Variants in LSM5 observed in about 807,000 individuals in gnomAD.
The protein encoded by LSM5 is LSM5 homolog, U6 small nuclear RNA and mRNA degradation associated.
In LSM5, 8 loss-of-function variants were observed where a neutral mutation model predicts 13.8. The ratio of observed to expected loss-of-function variants is 0.58; its 90% CI spans 0.34 to 1.04. LSM5 has a LOEUF of 1.04. Among genes scored for constraint, LSM5 ranks in the 50% least tolerant of loss-of-function variants. The probability of loss-of-function intolerance (pLI) is 0.03; values close to 1 mark genes in which losing one functional copy is unlikely to be tolerated. For synonymous variants in LSM5, 35 were observed against 37.0 expected (o/e 0.95, Z 0.20); for missense variants, 80 against 108.1 (o/e 0.74, Z 1.15).
At chr7:32,487,581 G>T in intron 4 of LSM5, 104 bp downstream of exon 4, 1 of 743,186 alleles carries the variant, frequency 1.3e-6, no homozygotes, top group Non-Finnish European at 2.4e-6. Flanking sequence ...GCACCACTGG[G>T]CCATGATCAT....
At chr7:32,488,047 G>A in intron 3 of LSM5, 1 of 211,662 alleles carries the variant, frequency 4.7e-6, no homozygotes, top group Non-Finnish European at 8.0e-6. Context: ...ATGTTTTTTG[G>A]GTTTTTTTTT....
In LSM5 at chr7:32,487,104, G is replaced by T; in HGVS notation, c.*157C>A. 1.5e-6 allele frequency: 1 copy of T among 665,226 alleles called. No homozygotes were observed. The highest frequency in any genetic ancestry group is 2.8e-5 in the East Asian group (1 of 36,000). The allele number at this position is 665,226 out of a possible 1,614,324, so 41.2% of individuals were successfully genotyped here. On this transcript the variant is annotated 3_prime_UTR_variant, in exon 5 of 5. Coordinates refer to ENST00000450169, the MANE Select transcript of LSM5 (RefSeq NM_012322.3). ...TTTCTTCTTTTTCCAGGATAATCAT[G>T]ATTAACTTACAAAAATGGGTACACA...
At chr7:32,491,517 G>T (rs10272283), upstream of LSM5, among the ~76,000 whole-genome samples, 31,033 of 152,034 alleles carry the variant, frequency 0.2, 3,380 homozygotes, top group Non-Finnish European at 0.25. Context: ...GTTCCTCAAG[G>T]CTGAGAATTA....
chr7:32,493,114 G>A (rs1786628359), upstream of LSM5, among the ~76,000 whole-genome samples: 1 of 152,056 alleles, frequency 6.6e-6, no homozygotes, highest in Non-Finnish European at 1.5e-5. Flanking sequence ...GCCAGCCTGG[G>A]CAACATAGCA....
chr7:32,488,977 G>A (rs184012562), intron 2 of LSM5, among the ~76,000 whole-genome samples: 1 of 152,234 alleles, frequency 6.6e-6, no homozygotes, highest in Non-Finnish European at 1.5e-5. Context: ...CACCCACCTC[G>A]CCCTCCCAAA....
chr7:32,491,449 C>T (rs1023803839), upstream of LSM5, among the ~76,000 whole-genome samples: 1 of 143,724 alleles, frequency 7.0e-6, no homozygotes, highest in African/African-American at 2.6e-5. Context: ...CCACAAAGAA[C>T]GTCATTCATT....
Position 32,490,358 on chromosome 7 carries a change from G to A in LSM5, c.8C>T (p.Ala3Val), listed in dbSNP as rs142004890. 5.3e-5 allele frequency: 85 copies of A among 1,613,708 alleles called. No individual in the cohort carries two copies. The African/African-American group carries it at 1.0e-3, about 19-fold the overall frequency. ...CTGCGACGGGTTGGTAGTAGCGTTA[G>A]CCGCCATGGCTACGCCGGAAGTGGC... MA[A>V]NATTNPSQLL... Residue 3 changes from alanine (A) to valine (V), a missense_variant, in exon 1 of 5, where the codon GCT becomes GTT. Transcript: ENST00000450169.
intron 1 of LSM5, among the ~76,000 whole-genome samples, chr7:32,489,786 G>T (rs922512169): frequency 7.2e-5 from 11 of 152,168 alleles, no homozygotes; most frequent in African/African-American, 2.7e-4. Flanking sequence ...TGGCTTGTGT[G>T]CTATTTGAAG....
In LSM5 at chr7:32,485,964, A is replaced by G. The variant is rs1415080373; in HGVS notation, c.*1297T>C. ...CTCCAAAAAAAAAAAAAAAAAAAAA[A>G]AAAGGAAAAGAAAACTTTAGACATG... On this transcript the variant is annotated 3_prime_UTR_variant, in exon 5 of 5. Transcript: ENST00000450169. The G allele has an allele frequency of 6.6e-6, 1 of 151,858 alleles. No homozygotes were observed. Among genetic ancestry groups the G allele is most frequent in the African/African-American group, 2.4e-5 (1 of 41,374 alleles). 9.4% of individuals were successfully genotyped at this position (151,858 alleles called of 1,614,324 possible).
chr7:32,487,586 G>A lies in LSM5; in HGVS notation c.243+99C>T. The A allele has an allele frequency of 4.0e-6, 3 of 755,392 alleles. No individual in the cohort carries two copies. In the Admixed American group the frequency reaches 5.9e-5, roughly 15 times the overall value. 46.8% of individuals were successfully genotyped at this position (755,392 alleles called of 1,614,324 possible). ...CCCATCTTATGCACCACTGGGCCATGATCATTTAGTCAAGCAAGCAACATT... is the reference window on the plus strand; with the variant it reads ...CCCATCTTATGCACCACTGGGCCATAATCATTTAGTCAAGCAAGCAACATT... On this transcript the variant is annotated intron_variant, in intron 4 of 4. Coordinates refer to ENST00000450169, the MANE Select transcript of LSM5 (RefSeq NM_012322.3).
chr7:32,491,792 T>C (rs1042694870), upstream of LSM5, among the ~76,000 whole-genome samples: 1 of 152,248 alleles, frequency 6.6e-6, no homozygotes, highest in African/African-American at 2.4e-5. Context: ...CCTTGTTTTC[T>C]AATACATGAT....
chr7:32,486,116 A>C lies in LSM5; in HGVS notation c.*1145T>G, dbSNP rs1356913111. 3.3e-5 allele frequency: 5 copies of C among 152,250 alleles called. No individual in the cohort carries two copies. Among genetic ancestry groups the C allele is most frequent in the Non-Finnish European group, 7.3e-5 (5 of 68,038 alleles). The allele number at this position is 152,250 out of a possible 1,614,324, so 9.4% of individuals were successfully genotyped here. A position where few individuals can be genotyped will look rare whatever the true frequency, so the allele number is the denominator to read the frequency against. On this transcript the variant is annotated 3_prime_UTR_variant, in exon 5 of 5. Coordinates refer to ENST00000450169, the MANE Select transcript of LSM5 (RefSeq NM_012322.3). The stretch of plus-strand genomic sequence containing the variant: ...ACATTGGCACAAACTTTTTCTTGGC[A>C]ACACAATATATACCCTTTGATCTTA...
At chr7:32,494,364 A>G (rs921817445), upstream of LSM5, among the ~76,000 whole-genome samples, 4 of 36,174 alleles carry the variant, frequency 1.1e-4, no homozygotes, top group Non-Finnish European at 3.8e-4. Flanking sequence ...TGTAATACAG[A>G]AAAGAAATGT....
At chr7:32,491,427 A>G (rs1786584947), upstream of LSM5, among the ~76,000 whole-genome samples, 1 of 151,738 alleles carries the variant, frequency 6.6e-6, no homozygotes, top group Non-Finnish European at 1.5e-5. Context: ...GCTAAACAAT[A>G]AACATGAGCG....
At chr7:32,491,466 A>G (rs1003780989), upstream of LSM5, among the ~76,000 whole-genome samples, 2 of 152,094 alleles carry the variant, frequency 1.3e-5, no homozygotes, top group Non-Finnish European at 2.9e-5. Flanking sequence ...CATTCATACA[A>G]CAAATGGTCA....
At chr7:32,490,256 G>A (rs1554329739) in intron 1 of LSM5, 64 bp downstream of exon 1, 2 of 1,613,962 alleles carry the variant, frequency 1.2e-6, no homozygotes, top group South Asian at 1.1e-5. Flanking sequence ...CCTCGGAACA[G>A]CCCCTCGGCC....
chr7:32,493,842 TC>T (rs1786654913), upstream of LSM5, among the ~76,000 whole-genome samples: 1 of 148,510 alleles, frequency 6.7e-6, no homozygotes, highest in African/African-American at 2.5e-5. Context: ...CGCCTGACCC[TC>T]TTTTTATATA....
intron 2 of LSM5, 150 bp downstream of exon 2, chr7:32,489,099 C>A: frequency 1.7e-6 from 1 of 574,086 alleles, no homozygotes; most frequent in Non-Finnish European, 3.1e-6. Context: ...ACTTTACCGT[C>A]TTTCAATACA....
chr7:32,492,870 T>C (rs1158418539), upstream of LSM5, among the ~76,000 whole-genome samples: 2 of 152,280 alleles, frequency 1.3e-5, no homozygotes, highest in African/African-American at 4.8e-5. Flanking sequence ...GGCTCTTCCA[T>C]GTATTATATG....
Sources: allele counts gnomAD v4.1 joint callset (sites outside exome capture counted in the v4.1 genomes callset), GRCh38; gene constraint gnomAD v4.1.1; transcripts MANE v1.5; gene names NCBI Gene and HGNC (gene_info 2026-07-23, HGNC 2026-07-21).